APBA2: variants seen among roughly 807,000 people sequenced by gnomAD.
APBA2 encodes the protein amyloid-beta A4 precursor protein-binding family A member 2.
In APBA2, 30 loss-of-function variants were observed where a neutral mutation model predicts 75.0. The ratio of observed to expected loss-of-function variants is 0.40; its 90% CI spans 0.30 to 0.54. APBA2 has a LOEUF of 0.54. Ranked by LOEUF, APBA2 falls within the 20% of genes least tolerant of loss-of-function variation. The pLI is 0.49. For synonymous variants in APBA2, 444 were observed against 409.6 expected (o/e 1.08, Z -1.01); for missense variants, 801 against 1,016.1 (o/e 0.79, Z 2.88).
intron 3 of APBA2, among the ~76,000 whole-genome samples, chr15:29,039,098 GGTGTGTGTGTGTGTGTGTGTGTGT>G (rs57326919): frequency 2.2e-4 from 23 of 106,294 alleles, no homozygotes; most frequent in East Asian, 1.4e-3. Flanking sequence ...TGTATGTCAG[GGTGTGTGTGTGTGTGTGTGTGTGT>G]GTGTGTGTGT....
At chr15:28,980,301 C>T (rs1221541144) in intron 2 of APBA2, among the ~76,000 whole-genome samples, 1 of 152,190 alleles carries the variant, frequency 6.6e-6, no homozygotes, top group Non-Finnish European at 1.5e-5. Flanking sequence ...TGTCTGTCTT[C>T]ACTGATGTTA....
At chr15:29,001,069 C>T (rs148444641) in intron 3 of APBA2, among the ~76,000 whole-genome samples, 169 of 152,224 alleles carry the variant, frequency 1.1e-3, no homozygotes, top group African/African-American at 3.9e-3. Context: ...TCTGAGTCCA[C>T]AGCCCTCCTG....
intron 3 of APBA2, among the ~76,000 whole-genome samples, chr15:29,011,656 CT>C (rs2039408779): frequency 6.6e-6 from 1 of 152,110 alleles, no homozygotes; most frequent in Admixed American, 6.6e-5. Context: ...GTGTTCAAAT[CT>C]TATATTTCCA....
At chr15:28,913,635 GC>G (rs1348434895) in intron 1 of APBA2, among the ~76,000 whole-genome samples, 1 of 152,240 alleles carries the variant, frequency 6.6e-6, no homozygotes, top group African/African-American at 2.4e-5. Context: ...CCTTGGCGGT[GC>G]CCCAGGATGT....
At chr15:29,050,588 C>T (rs2152881577) in intron 3 of APBA2, among the ~76,000 whole-genome samples, 1 of 152,276 alleles carries the variant, frequency 6.6e-6, no homozygotes, top group African/African-American at 2.4e-5. Context: ...TTGTAGTTCT[C>T]CTACAATGTC....
At chr15:28,992,651 C>A (rs1003145826) in intron 2 of APBA2, among the ~76,000 whole-genome samples, 3 of 152,148 alleles carry the variant, frequency 2.0e-5, no homozygotes, top group Non-Finnish European at 4.4e-5. Flanking sequence ...CTGGGCTAGT[C>A]TAGGCAAGGC....
chr15:29,033,964 CAAAAAAAAA>C (rs34808408), intron 3 of APBA2, among the ~76,000 whole-genome samples: 3 of 39,556 alleles, frequency 7.6e-5, no homozygotes, highest in East Asian at 6.7e-4. Context: ...GACTCCATCT[CAAAAAAAAA>C]AAAAAAAAAA....
At chr15:29,045,623 G>A (rs1157829316) in intron 3 of APBA2, among the ~76,000 whole-genome samples, 3 of 152,234 alleles carry the variant, frequency 2.0e-5, no homozygotes, top group East Asian at 3.9e-4. Flanking sequence ...GTTGCTTACC[G>A]CATGTTAAAA....
chr15:29,092,991 T>G, intron 6 of APBA2, 84 bp from the exon 7 acceptor site: 1 of 1,567,644 alleles, frequency 6.4e-7, no homozygotes. Context: ...GCTGCCGTGT[T>G]CCTTGTGCTA....
At chr15:29,108,847 G>C (rs1387427026) in intron 13 of APBA2, among the ~76,000 whole-genome samples, 1 of 152,214 alleles carries the variant, frequency 6.6e-6, no homozygotes, top group South Asian at 2.1e-4. Flanking sequence ...CTTTGTACCA[G>C]GCAATGGGAA....
In APBA2 at chr15:29,059,683, G is replaced by A. The variant is rs924955338; in HGVS notation, c.951+4848G>A. Reference sequence around the variant, plus strand: ...TCTGTGTTGATTCATTGACAAAAATGTGTCCCGAGGCTCATAGGAACCTAA... The same window carrying A: ...TCTGTGTTGATTCATTGACAAAAATATGTCCCGAGGCTCATAGGAACCTAA... On this transcript the variant is annotated intron_variant, in intron 4 of 14. Transcript: ENST00000683413. Among the ~76,000 whole-genome samples the A allele has an allele frequency of 2.0e-5, 3 of 152,168 alleles. No individual in the cohort carries two copies. In the South Asian group the frequency reaches 6.2e-4, roughly 32 times the overall value.
At chr15:29,114,365 G>A (rs940196836) in intron 14 of APBA2, among the ~76,000 whole-genome samples, 1 of 152,208 alleles carries the variant, frequency 6.6e-6, no homozygotes, top group Non-Finnish European at 1.5e-5. Context: ...CCCTCCCACA[G>A]CCAGGCTGCT....
At chr15:29,034,343 C>T (rs1377829488) in intron 3 of APBA2, among the ~76,000 whole-genome samples, 1 of 152,192 alleles carries the variant, frequency 6.6e-6, no homozygotes, top group Non-Finnish European at 1.5e-5. Flanking sequence ...CCTGAGTCAT[C>T]TCTTTTGCAT....
chr15:28,967,600 G>T (rs971479612), intron 2 of APBA2, among the ~76,000 whole-genome samples: 1 of 151,876 alleles, frequency 6.6e-6, no homozygotes, highest in Admixed American at 6.6e-5. Flanking sequence ...CACCACGCCC[G>T]GCTAATTTTT....
At chr15:29,035,937 C>T (rs1011109525) in intron 3 of APBA2, among the ~76,000 whole-genome samples, 2 of 151,918 alleles carry the variant, frequency 1.3e-5, no homozygotes, top group African/African-American at 2.4e-5. Flanking sequence ...CAGCTGTCAC[C>T]CCGGAGCGCC....
Position 28,949,101 on chromosome 15 carries a change from G to A in APBA2, c.-95+27352G>A, listed in dbSNP as rs566584739. 5.3e-5 allele frequency among the ~76,000 whole-genome samples: 8 copies of A among 151,972 alleles called. No individual in the cohort carries two copies. In the South Asian group the frequency reaches 1.7e-3, roughly 32 times the overall value. On this transcript the variant is annotated intron_variant, in intron 2 of 14. Coordinates refer to ENST00000683413, the MANE Select transcript of APBA2 (RefSeq NM_001353788.2). Reference sequence around the variant, plus strand: ...CCGAGAAGGGAGGAGAGCAAGGCTGGCTGAGCGTCATGGCAGGGTGGTAAA... The same window carrying A: ...CCGAGAAGGGAGGAGAGCAAGGCTGACTGAGCGTCATGGCAGGGTGGTAAA...
intron 2 of APBA2, among the ~76,000 whole-genome samples, chr15:28,940,277 C>A (rs2035120397): frequency 6.8e-6 from 1 of 147,662 alleles, no homozygotes; most frequent in Non-Finnish European, 1.5e-5. Flanking sequence ...CTTTGGGAGG[C>A]CGAGGCAGGT....
intron 3 of APBA2, among the ~76,000 whole-genome samples, chr15:29,029,201 G>C (rs2040369269): frequency 1.3e-5 from 2 of 151,900 alleles, no homozygotes; most frequent in Non-Finnish European, 2.9e-5. Context: ...GTAAGGAAGG[G>C]GTCCAGTTTC....
chr15:29,040,716 A>T (rs2040993750), intron 3 of APBA2, among the ~76,000 whole-genome samples: 3 of 152,196 alleles, frequency 2.0e-5, no homozygotes, highest in South Asian at 4.1e-4. Flanking sequence ...CATTCTCAAC[A>T]TTCTCTCTCA....
Sources: allele counts gnomAD v4.1 joint callset (sites outside exome capture counted in the v4.1 genomes callset), GRCh38; gene constraint gnomAD v4.1.1; transcripts MANE v1.5; gene names NCBI Gene and HGNC (gene_info 2026-07-23, HGNC 2026-07-21).